ARL5B: variants seen among roughly 807,000 people sequenced by gnomAD.
ARL5B encodes the protein ARF like GTPase 5B, also known as ADP-ribosylation factor-like protein 5B.
ARL5B carries 10 observed loss-of-function variants against 26.9 expected under a neutral mutation model. The observed-to-expected ratio is 0.37, with a 90% confidence interval of 0.23 to 0.63. The LOEUF is 0.63. Among genes scored for constraint, ARL5B ranks in the 30% least tolerant of loss-of-function variants. ARL5B has a pLI of 0.62. For synonymous variants in ARL5B, 87 were observed against 70.4 expected (o/e 1.24, Z -1.18); for missense variants, 167 against 213.9 (o/e 0.78, Z 1.37).
In ARL5B at chr10:18,661,083, A is replaced by G. The variant is rs557118198; in HGVS notation, c.46+1400A>G. On this transcript the variant is annotated intron_variant, in intron 1 of 5. Transcript: ENST00000377275. The stretch of plus-strand genomic sequence containing the variant: ...AGGCTGGTCTCGACCTTCTGACTTC[A>G]GGTGATCTACCCACCTCGGCCTCCC... Among the ~76,000 whole-genome samples, 10 of 152,314 alleles carry G rather than the reference A, an allele frequency of 6.6e-5. No individual in the cohort carries two copies. In the South Asian group the frequency reaches 2.1e-3, roughly 32 times the overall value.
At chr10:18,668,320 T>A (rs2059870548) in intron 2 of ARL5B, among the ~76,000 whole-genome samples, 1 of 145,396 alleles carries the variant, frequency 6.9e-6, no homozygotes, top group South Asian at 2.2e-4. Context: ...TTCCTTCCGT[T>A]AAAAAAAAAA....
rs759726684 is a variant in ARL5B, at chr10:18,674,094, T to G, written c.450T>G (p.His150Gln). Reference sequence around the variant, plus strand: ...TCACCCTTAGTTCAATTAAGGATCATCCATGGCACATTCAATCCTGCTGTG... The same window carrying G: ...TCACCCTTAGTTCAATTAAGGATCAGCCATGGCACATTCAATCCTGCTGTG... Reference protein sequence around the residue: ...KYLTLSSIKDHPWHIQSCCAL... With the variant: ...KYLTLSSIKDQPWHIQSCCAL... Residue 150 changes from histidine (H) to glutamine (Q), a missense_variant, in exon 5 of 6, where the codon CAT (histidine) becomes CAG (glutamine). By Grantham distance (24) the His-to-Gln change is conservative. Coordinates refer to ENST00000377275, the MANE Select transcript of ARL5B (RefSeq NM_178815.5). 6.2e-7 allele frequency: 1 copy of G among 1,612,824 alleles called. No individual in the cohort carries two copies. Among genetic ancestry groups the G allele is most frequent in the Non-Finnish European group, 8.5e-7 (1 of 1,179,366 alleles).
At chr10:18,669,857 G>C (rs1294759354) in intron 3 of ARL5B, among the ~76,000 whole-genome samples, 1 of 152,002 alleles carries the variant, frequency 6.6e-6, no homozygotes, top group Non-Finnish European at 1.5e-5. Context: ...GCCGGGCGTG[G>C]TGGGGCAGAC....
intron 1 of ARL5B, among the ~76,000 whole-genome samples, chr10:18,662,285 G>A (rs769699499): frequency 9.2e-5 from 14 of 152,158 alleles, no homozygotes; most frequent in African/African-American, 1.7e-4. Context: ...CTCCTTTCCC[G>A]TGTCTTTCTT....
chr10:18,670,386 A>G (rs2059881650), intron 3 of ARL5B, among the ~76,000 whole-genome samples: 1 of 152,168 alleles, frequency 6.6e-6, no homozygotes, highest in Non-Finnish European at 1.5e-5. Flanking sequence ...CGAGGTGGGC[A>G]GATTGCTTGA....
At chr10:18,668,214 C>G (rs961647782) in intron 2 of ARL5B, among the ~76,000 whole-genome samples, 1 of 152,012 alleles carries the variant, frequency 6.6e-6, no homozygotes, top group Admixed American at 6.6e-5. Flanking sequence ...TGGGTCTTAT[C>G]TAACTGATAA....
intron 3 of ARL5B, among the ~76,000 whole-genome samples, chr10:18,669,624 A>G (rs778770549): frequency 3.9e-5 from 6 of 152,150 alleles, no homozygotes; most frequent in Admixed American, 3.9e-4. Context: ...TGATTTCACA[A>G]TTGCATCCAT....
In ARL5B at chr10:18,680,573, T is replaced by G. The variant is rs765408336; in HGVS notation, c.*5357T>G. ...AGAGACCATAATCATTTTAATCTTA[T>G]ATTTTCCCTCAGGAAATTTAGGGAC... On this transcript the variant is annotated 3_prime_UTR_variant, in exon 6 of 6. Coordinates refer to ENST00000377275, the MANE Select transcript of ARL5B (RefSeq NM_178815.5). 1 of 152,130 alleles carries G rather than the reference T, an allele frequency of 6.6e-6. No individual in the cohort carries two copies. The highest frequency in any genetic ancestry group is 1.5e-5 in the Non-Finnish European group (1 of 67,964). 9.4% of individuals were successfully genotyped at this position (152,130 alleles called of 1,614,324 possible).
chr10:18,670,793 G>T (rs1319754261), intron 3 of ARL5B, among the ~76,000 whole-genome samples: 1 of 152,176 alleles, frequency 6.6e-6, no homozygotes, highest in African/African-American at 2.4e-5. Context: ...TGTCGAAAGG[G>T]TAGTTCTTGA....
intron 2 of ARL5B, 107 bp downstream of exon 2, chr10:18,666,742 T>C (rs1290687940): frequency 8.0e-6 from 6 of 749,646 alleles, no homozygotes; most frequent in Non-Finnish European, 1.2e-5. Flanking sequence ...TAAATATATG[T>C]TTTTTGTTTT....
intron 4 of ARL5B, among the ~76,000 whole-genome samples, chr10:18,673,043 T>G (rs1001671794): frequency 6.1e-5 from 9 of 147,492 alleles, no homozygotes; most frequent in East Asian, 2.0e-4. Context: ...AACTGAAAGG[T>G]TTTTTTTTTG....
chr10:18,663,398 AT>A (rs2059845642), intron 1 of ARL5B, among the ~76,000 whole-genome samples: 1 of 152,198 alleles, frequency 6.6e-6, no homozygotes, highest in Non-Finnish European at 1.5e-5. Flanking sequence ...TCTTAATTTC[AT>A]AATTTAATCA....
chr10:18,674,172 T>C, intron 5 of ARL5B, 37 bp downstream of exon 5: 4 of 1,559,888 alleles, frequency 2.6e-6, no homozygotes, highest in Non-Finnish European at 3.5e-6. Flanking sequence ...ATGACTTCTT[T>C]CAAATTTCTT....
chr10:18,663,077 C>G (rs115871704), intron 1 of ARL5B, among the ~76,000 whole-genome samples: 6 of 152,094 alleles, frequency 3.9e-5, no homozygotes, highest in African/African-American at 1.2e-4. Flanking sequence ...CCTGTGATCT[C>G]AGCTCACTGC....
intron 5 of ARL5B, among the ~76,000 whole-genome samples, chr10:18,674,870 T>C (rs1017838471): frequency 5.3e-5 from 8 of 152,154 alleles, no homozygotes; most frequent in Non-Finnish European, 1.0e-4. Flanking sequence ...CTTTCTCCAG[T>C]CGTTAAGTTT....
intron 4 of ARL5B, among the ~76,000 whole-genome samples, chr10:18,673,170 C>T (rs543230933): frequency 1.3e-3 from 194 of 152,082 alleles, no homozygotes; most frequent in African/African-American, 4.3e-3. Flanking sequence ...TCAAGCAGTT[C>T]TCTGCCTCAG....
In ARL5B at chr10:18,680,165, A is replaced by T. The variant is rs1306837638; in HGVS notation, c.*4949A>T. 6.6e-6 allele frequency: 1 copy of T among 152,148 alleles called. No individual in the cohort carries two copies. Among genetic ancestry groups the T allele is most frequent in the African/African-American group, 2.4e-5 (1 of 41,554 alleles). The allele number at this position is 152,148 out of a possible 1,614,324, so 9.4% of individuals were successfully genotyped here. ...AATTAAAAAATTACCTCATTTTTCA[A>T]TCCATAAGGTGCTTTGCTCAAGTTT... On this transcript the variant is annotated 3_prime_UTR_variant, in exon 6 of 6. Coordinates refer to ENST00000377275, the MANE Select transcript of ARL5B (RefSeq NM_178815.5).
intron 3 of ARL5B, among the ~76,000 whole-genome samples, chr10:18,671,632 C>G (rs1386623514): frequency 6.6e-6 from 1 of 151,536 alleles, no homozygotes; most frequent in East Asian, 1.9e-4. Flanking sequence ...GCTGTATCAT[C>G]TCCTCCATCT....
rs936422821 is a variant in ARL5B, at chr10:18,677,498, A to G, written c.*2282A>G. 4 of 152,186 alleles carry G rather than the reference A, an allele frequency of 2.6e-5. No homozygotes were observed. In the South Asian group the frequency reaches 6.2e-4, roughly 24 times the overall value. 9.4% of individuals were successfully genotyped at this position (152,186 alleles called of 1,614,324 possible). On this transcript the variant is annotated 3_prime_UTR_variant, in exon 6 of 6. Transcript: ENST00000377275. ...CGGTGCTGATTGGGAAAAGTTCATGATTAGGAAATTCATGTAAGACTTTTT... is the reference window on the plus strand; with the variant it reads ...CGGTGCTGATTGGGAAAAGTTCATGGTTAGGAAATTCATGTAAGACTTTTT...
Sources: allele counts gnomAD v4.1 joint callset (sites outside exome capture counted in the v4.1 genomes callset), GRCh38; gene constraint gnomAD v4.1.1; transcripts MANE v1.5; gene names NCBI Gene and HGNC (gene_info 2026-07-23, HGNC 2026-07-21).